The following DNAAF9 variants were observed in gnomAD, a reference collection of about 807,000 sequenced individuals.
DNAAF9 encodes dynein axonemal assembly factor 9.
In DNAAF9, 90 loss-of-function variants were observed where a neutral mutation model predicts 167.0. The observed-to-expected ratio is 0.54, with a 90% CI of 0.45 to 0.64. DNAAF9 has a LOEUF of 0.64. Among genes scored for constraint, DNAAF9 ranks in the 30% least tolerant of loss-of-function variants. The pLI is 0.00. For synonymous variants in DNAAF9, 491 were observed against 508.8 expected (o/e 0.96, Z 0.47); for missense variants, 1,315 against 1,442.2 (o/e 0.91, Z 1.43).
At chr20:3,362,984 T>C (rs1319334908) in intron 6 of DNAAF9, among the ~76,000 whole-genome samples, 1 of 151,886 alleles carries the variant, frequency 6.6e-6, no homozygotes, top group Non-Finnish European at 1.5e-5. Context: ...ATCCCAGCAA[T>C]TTGGGAGGCC....
chr20:3,270,584 GT>G, intron 29 of DNAAF9, 22 bp from the exon 30 acceptor site: 1 of 1,610,790 alleles, frequency 6.2e-7, no homozygotes, highest in Non-Finnish European at 8.5e-7. Flanking sequence ...ACCAAGGACA[GT>G]TTAGCCTTCA....
chr20:3,350,057 A>G (rs1410842448), intron 7 of DNAAF9, among the ~76,000 whole-genome samples: 1 of 152,062 alleles, frequency 6.6e-6, no homozygotes, highest in Non-Finnish European at 1.5e-5. Flanking sequence ...GGCCCTAGAC[A>G]TAAAGCACAA....
chr20:3,253,385 G>A (rs924474234), intron 36 of DNAAF9, among the ~76,000 whole-genome samples: 1 of 152,178 alleles, frequency 6.6e-6, no homozygotes, highest in Non-Finnish European at 1.5e-5. Context: ...AGGTTGCAGT[G>A]AGCTGAGATT....
chr20:3,258,764 A>G (rs2068326425), intron 33 of DNAAF9, among the ~76,000 whole-genome samples: 1 of 152,004 alleles, frequency 6.6e-6, no homozygotes, highest in Non-Finnish European at 1.5e-5. Flanking sequence ...TATACAGCCA[A>G]CACCTGCTAG....
intron 11 of DNAAF9, among the ~76,000 whole-genome samples, chr20:3,331,265 T>C (rs975558310): frequency 1.3e-5 from 2 of 152,196 alleles, no homozygotes; most frequent in East Asian, 1.9e-4. Context: ...TTTGTTTTTA[T>C]TTTTAATTTT....
At chr20:3,269,088 A>G (rs2068543219) in intron 30 of DNAAF9, among the ~76,000 whole-genome samples, 1 of 151,250 alleles carries the variant, frequency 6.6e-6, no homozygotes. Flanking sequence ...ATTTTTTTAA[A>G]TATAGAGGCG....
chr20:3,339,010 C>T (rs1467571555), intron 10 of DNAAF9, among the ~76,000 whole-genome samples: 6 of 151,754 alleles, frequency 4.0e-5, no homozygotes, highest in South Asian at 2.1e-4. Context: ...CACTCCTGTT[C>T]GGGAATTTTC....
intron 30 of DNAAF9, among the ~76,000 whole-genome samples, chr20:3,265,319 C>A (rs2080723301): frequency 6.7e-6 from 1 of 150,198 alleles, no homozygotes; most frequent in South Asian, 2.1e-4. Flanking sequence ...AATCCCAGCA[C>A]TTTGGGAGGC....
chr20:3,281,937 C>A (rs756283966), intron 27 of DNAAF9, among the ~76,000 whole-genome samples, 171 bp from the exon 28 acceptor site: 21 of 152,198 alleles, frequency 1.4e-4, no homozygotes, highest in Non-Finnish European at 2.6e-4. Flanking sequence ...CCCCTGGAAG[C>A]TACAGTGTTT....
chr20:3,315,712 CT>C lies in DNAAF9; in HGVS notation c.1590+22del, dbSNP rs769432715. ...ATTATTTTTTGATATAATGTTCACA[CT>C]GAGAATAAGAAGGCTGCTTACCCTC... On this transcript the variant is annotated intron_variant, in intron 19 of 36. Coordinates refer to ENST00000252032, the MANE Select transcript of DNAAF9 (RefSeq NM_001009984.3). This position sits in a 1 kb window ranked among gnomAD's most constrained non-coding sequence, Gnocchi z 4.1. 8.1e-5 allele frequency: 129 copies of C among 1,586,730 alleles called. No homozygotes were observed. The highest frequency in any genetic ancestry group is 9.6e-5 in the Non-Finnish European group (111 of 1,155,030).
At chr20:3,273,711 G>T (rs139221380) in intron 29 of DNAAF9, among the ~76,000 whole-genome samples, 1 of 152,148 alleles carries the variant, frequency 6.6e-6, no homozygotes, top group Non-Finnish European at 1.5e-5. Flanking sequence ...CAACACTGGG[G>T]ATTATGTTTC....
intron 30 of DNAAF9, among the ~76,000 whole-genome samples, chr20:3,269,186 C>T (rs1010051263): frequency 1.3e-5 from 2 of 149,882 alleles, no homozygotes; most frequent in Admixed American, 6.7e-5. Flanking sequence ...GGATTACAGG[C>T]GTGAGCCACT....
intron 7 of DNAAF9, among the ~76,000 whole-genome samples, chr20:3,349,365 G>C (rs1392793895): frequency 6.6e-6 from 1 of 152,096 alleles, no homozygotes; most frequent in Admixed American, 6.6e-5. Context: ...CTGGGTGACA[G>C]AACGAGACTC....
intron 1 of DNAAF9, among the ~76,000 whole-genome samples, chr20:3,396,034 G>A (rs1249145044): frequency 6.6e-6 from 1 of 152,196 alleles, no homozygotes; most frequent in Non-Finnish European, 1.5e-5. Flanking sequence ...AAAAATGGCA[G>A]TTTCCCTGCA....
At chr20:3,311,376 T>A (rs575764242) in intron 20 of DNAAF9, among the ~76,000 whole-genome samples, 1 of 152,156 alleles carries the variant, frequency 6.6e-6, no homozygotes, top group South Asian at 2.1e-4. Flanking sequence ...TCCTCCTGCC[T>A]CAGCCTCCCA....
At chr20:3,285,944 C>T (rs1291806104) in intron 27 of DNAAF9, among the ~76,000 whole-genome samples, 1 of 150,182 alleles carries the variant, frequency 6.7e-6, no homozygotes, top group East Asian at 2.0e-4. Flanking sequence ...TGCACCACTG[C>T]ACTCCAGCCT....
intron 12 of DNAAF9, among the ~76,000 whole-genome samples, chr20:3,328,336 C>T (rs1240002557): frequency 1.3e-5 from 2 of 152,074 alleles, no homozygotes; most frequent in African/African-American, 2.4e-5. Flanking sequence ...CGCCTGCCAC[C>T]GTGCCTGGCT....
At chr20:3,376,380 A>G in intron 3 of DNAAF9, 78 bp from the exon 4 acceptor site, 1 of 1,098,116 alleles carries the variant, frequency 9.1e-7, no homozygotes, top group South Asian at 1.6e-5. Context: ...ATAATTAGTA[A>G]AACCATTGAA....
At chr20:3,380,549 G>C (rs2083635175) in intron 3 of DNAAF9, among the ~76,000 whole-genome samples, 1 of 152,152 alleles carries the variant, frequency 6.6e-6, no homozygotes, top group Non-Finnish European at 1.5e-5. Context: ...CCCCTACCCA[G>C]TTTTGACAAT....
Sources: gnomAD v4.1 joint callset for allele counts (sites outside exome capture counted in the v4.1 genomes callset) on GRCh38, gnomAD v4.1.1 for gene constraint, Gnocchi (gnomAD v3.1) non-coding constraint, MANE v1.5 for transcripts, NCBI Gene and HGNC (gene_info 2026-07-23, HGNC 2026-07-21) for gene names.